SNAP47: variants seen among roughly 807,000 people sequenced by gnomAD.
SNAP47 encodes the protein synaptosome associated protein 47, also known as synaptosomal-associated protein 47.
Under a neutral mutation model 31.4 loss-of-function variants are expected in SNAP47, and 20 were observed. The observed-to-expected ratio is 0.64, with a 90% confidence interval of 0.45 to 0.93. The LOEUF is 0.93. Among genes scored for constraint, SNAP47 ranks in the 40% least tolerant of loss-of-function variants. The pLI is 0.00. For synonymous variants in SNAP47, 194 were observed against 213.4 expected (o/e 0.91, Z 0.79); for missense variants, 492 against 528.5 (o/e 0.93, Z 0.68).
chr1:227,733,490 G>A, upstream of SNAP47: 3 of 1,594,664 alleles, frequency 1.9e-6, no homozygotes, highest in Non-Finnish European at 2.6e-6. Context: ...CTCCAAGGGT[G>A]GGCCAGCAAG....
chr1:227,764,755 T>C (rs2102969260), intron 3 of SNAP47, among the ~76,000 whole-genome samples: 1 of 152,094 alleles, frequency 6.6e-6, no homozygotes, highest in Admixed American at 6.5e-5. Context: ...ATAAAAAAAA[T>C]TAGCCGGGTG....
At chr1:227,767,193 G>T in intron 4 of SNAP47, 110 bp downstream of exon 4, 1 of 1,475,974 alleles carries the variant, frequency 6.8e-7, no homozygotes, top group Admixed American at 2.1e-5. Context: ...CATCCGTATT[G>T]GCCTCGCACC....
upstream of SNAP47, chr1:227,734,857 C>T: frequency 6.2e-7 from 1 of 1,610,328 alleles, no homozygotes; most frequent in Non-Finnish European, 8.5e-7. Context: ...CCCTGGGCCC[C>T]GTCCTCACTC....
chr1:227,777,605 G>C (rs1269778895), intron 4 of SNAP47, among the ~76,000 whole-genome samples: 3 of 152,226 alleles, frequency 2.0e-5, no homozygotes, highest in African/African-American at 7.2e-5. Context: ...TATTGGCATT[G>C]ATGTATGTCA....
intron 1 of SNAP47, among the ~76,000 whole-genome samples, chr1:227,743,000 G>T (rs931687926): frequency 6.6e-6 from 1 of 152,196 alleles, no homozygotes; most frequent in Non-Finnish European, 1.5e-5. Flanking sequence ...GGAGGGGGTG[G>T]GTCCTGTGTA....
intron 4 of SNAP47, chr1:227,775,946 A>C: frequency 6.2e-6 from 8 of 1,293,290 alleles, no homozygotes; most frequent in Non-Finnish European, 8.1e-6. Context: ...GGAGCCGGCC[A>C]GGCCCACAGC....
At position 227,750,743 on chromosome 1, in the gene SNAP47, G is replaced by A. The variant is rs749609260; in HGVS notation, c.497+2510G>A. On this transcript the variant is annotated intron_variant, in intron 2 of 4. Transcript: ENST00000617596. ...GTGCTGCGGTCCTGGAGGGGAGGCT[G>A]TGGGTGCACAATGTGGCTTTCCCTG... is the stretch of plus-strand genomic sequence containing the variant. 6.6e-5 allele frequency among the ~76,000 whole-genome samples: 10 copies of A among 152,334 alleles called. No individual in the cohort carries two copies. The South Asian group carries it at 8.3e-4, about 13-fold the overall frequency.
In SNAP47 at chr1:227,767,084, G is replaced by A. The variant is rs571484436; in HGVS notation, c.1113+1G>A. On this transcript the variant is annotated splice_donor_variant, in intron 4 of 4. Transcript: ENST00000617596. LOFTEE classifies it high-confidence loss of function. ...GGCAGATACCCAGGAACTAACCCAGGTAAGATGTCCCCAGTGCCATGCCAG... is the reference window on the plus strand; with the variant it reads ...GGCAGATACCCAGGAACTAACCCAGATAAGATGTCCCCAGTGCCATGCCAG... 14 of 1,614,002 alleles carry A rather than the reference G, an allele frequency of 8.7e-6. No individual in the cohort carries two copies. The highest frequency in any genetic ancestry group is 1.1e-5 in the Non-Finnish European group (13 of 1,179,996).
At chr1:227,773,591 CCA>C (rs1663967178) in intron 4 of SNAP47, among the ~76,000 whole-genome samples, 1 of 152,254 alleles carries the variant, frequency 6.6e-6, no homozygotes, top group South Asian at 2.1e-4. Context: ...AGGGCCGCGT[CCA>C]GTCCTGCCAG....
chr1:227,747,120 C>T (rs139486285), intron 1 of SNAP47: 3 of 152,914 alleles, frequency 2.0e-5, no homozygotes, highest in East Asian at 1.9e-4. Flanking sequence ...TTCTGTAGAA[C>T]GCTATAAGGT....
chr1:227,776,246 C>G, intron 4 of SNAP47: 2 of 1,050,656 alleles, frequency 1.9e-6, no homozygotes, highest in Non-Finnish European at 2.3e-6. Context: ...TCTATCAGGT[C>G]TGGCTCGCAG....
chr1:227,729,732 G>A (rs1197063713), intron 1 of SNAP47, among the ~76,000 whole-genome samples: 1 of 152,184 alleles, frequency 6.6e-6, no homozygotes, highest in East Asian at 1.9e-4. Context: ...GCCACAGCCA[G>A]CAACAACTTG....
chr1:227,777,821 C>T (rs1172258453), intron 4 of SNAP47, among the ~76,000 whole-genome samples: 6 of 152,164 alleles, frequency 3.9e-5, no homozygotes, highest in Non-Finnish European at 8.8e-5. Flanking sequence ...GGCCCTGCCA[C>T]CATCTGTAAG....
intron 2 of SNAP47, among the ~76,000 whole-genome samples, chr1:227,751,017 G>T (rs892578314): frequency 6.6e-6 from 1 of 152,162 alleles, no homozygotes; most frequent in African/African-American, 2.4e-5. Flanking sequence ...GGCACCAAGC[G>T]ATGGGCCTGT....
At chr1:227,772,543 G>A (rs1019728514) in intron 4 of SNAP47, among the ~76,000 whole-genome samples, 5 of 152,138 alleles carry the variant, frequency 3.3e-5, no homozygotes, top group South Asian at 2.1e-4. Context: ...GGAGAATGCC[G>A]CTGTAAGCGT....
chr1:227,735,671 C>T (rs947572036), intron 1 of SNAP47, 172 bp downstream of exon 1: 2 of 984,784 alleles, frequency 2.0e-6, no homozygotes, highest in African/African-American at 1.7e-5. Context: ...AGAGGCGGTT[C>T]TGGGGGCGGG....
At chr1:227,777,288 C>A in intron 4 of SNAP47, 1 of 236,340 alleles carries the variant, frequency 4.2e-6, no homozygotes, top group Non-Finnish European at 6.9e-6. Flanking sequence ...CTTGGGCACG[C>A]ACCACTCAGC....
intron 4 of SNAP47, chr1:227,775,943 G>A: frequency 7.7e-7 from 1 of 1,294,340 alleles, no homozygotes. Flanking sequence ...GAGGGAGCCG[G>A]CCAGGCCCAC....
upstream of SNAP47, chr1:227,735,157 G>C (rs1337369813): frequency 6.3e-7 from 1 of 1,580,988 alleles, no homozygotes; most frequent in East Asian, 2.3e-5. Context: ...CGGCGTAGGA[G>C]AAGGCGCCCG....
Sources: gnomAD v4.1 joint callset for allele counts (sites outside exome capture counted in the v4.1 genomes callset) on GRCh38, gnomAD v4.1.1 for gene constraint, MANE v1.5 for transcripts, NCBI Gene and HGNC (gene_info 2026-07-23, HGNC 2026-07-21) for gene names.